Variants in KCNH1 observed in about 807,000 individuals in gnomAD.
The protein encoded by KCNH1 is potassium voltage-gated channel subfamily H member 1, also known as voltage-gated delayed rectifier potassium channel KCNH1.
In KCNH1, 27 loss-of-function variants were observed where a neutral mutation model predicts 69.2. That is an observed-to-expected ratio of 0.39 (90% CI 0.29 to 0.54). The LOEUF (loss-of-function observed/expected upper bound fraction) is 0.54, where lower values mean the gene tolerates loss of function less well. KCNH1 is among the 20% of genes least tolerant of loss of function. KCNH1 has a pLI of 0.68. For missense variants in KCNH1, 798 were observed against 1,261.6 expected (o/e 0.63, Z 5.57); for synonymous variants, 456 against 487.7 (o/e 0.93, Z 0.86).
At chr1:210,893,617 G>A (rs1195282725) in intron 7 of KCNH1, among the ~76,000 whole-genome samples, 1 of 151,704 alleles carries the variant, frequency 6.6e-6, no homozygotes, top group Non-Finnish European at 1.5e-5. Context: ...CTTTCTCTCT[G>A]TCTCTCTCAT....
intron 5 of KCNH1, among the ~76,000 whole-genome samples, chr1:211,030,089 G>A (rs934194149): frequency 2.0e-5 from 3 of 152,140 alleles, no homozygotes; most frequent in Admixed American, 6.5e-5. Flanking sequence ...GCTCCAAATC[G>A]TTATACAAGT....
At chr1:210,971,120 A>AT (rs1553366086) in intron 6 of KCNH1, among the ~76,000 whole-genome samples, 5 of 151,912 alleles carry the variant, frequency 3.3e-5, no homozygotes, top group South Asian at 2.1e-4. Context: ...CAGAATGATG[A>AT]TTTTTTTTGT....
At chr1:210,743,324 G>T (rs1030128959) in intron 10 of KCNH1, among the ~76,000 whole-genome samples, 1 of 152,180 alleles carries the variant, frequency 6.6e-6, no homozygotes, top group African/African-American at 2.4e-5. Flanking sequence ...CAATGAAGGG[G>T]AGAGCAGCTT....
intron 4 of KCNH1, among the ~76,000 whole-genome samples, chr1:211,084,522 T>G (rs17017170): frequency 0.032 from 4,942 of 152,290 alleles, 271 homozygotes; most frequent in African/African-American, 0.11. Context: ...GGACCTCTGG[T>G]CATTTCCCTA....
chr1:210,769,085 A>C (rs773575615), intron 10 of KCNH1, among the ~76,000 whole-genome samples: 29 of 152,184 alleles, frequency 1.9e-4, no homozygotes, highest in Non-Finnish European at 3.8e-4. Flanking sequence ...ATTTCACAGA[A>C]GCCCACATAG....
rs1373357747 is a variant in KCNH1 at position 210,679,947 on chromosome 1, T to C, written c.*3334A>G. The C allele has an allele frequency of 6.7e-6, 1 of 149,172 alleles. No individual in the cohort carries two copies. The highest frequency in any genetic ancestry group is 1.5e-5 in the Non-Finnish European group (1 of 67,074). The allele number at this position is 149,172 out of a possible 1,614,324, so 9.2% of individuals were successfully genotyped here. On this transcript the variant is annotated 3_prime_UTR_variant, in exon 11 of 11. Transcript: ENST00000271751. ...ATAATGTAGCATTGCATTAATGCAA[T>C]GAGTTGCATTCATGAATGCAATGAG... is the stretch of plus-strand genomic sequence containing the variant.
chr1:210,740,415 T>C (rs889444088), intron 10 of KCNH1, among the ~76,000 whole-genome samples: 5 of 152,218 alleles, frequency 3.3e-5, no homozygotes, highest in Non-Finnish European at 5.9e-5. Context: ...TTATCCATGA[T>C]ATGAGGCTTC....
At chr1:210,784,768 T>C (rs867302182) in intron 9 of KCNH1, among the ~76,000 whole-genome samples, 10 of 152,286 alleles carry the variant, frequency 6.6e-5, no homozygotes, top group Middle Eastern at 3.4e-3. Context: ...GCATACCATC[T>C]CTATATTAGA....
At chr1:210,904,765 T>C (rs1687067966) in intron 7 of KCNH1, among the ~76,000 whole-genome samples, 1 of 152,244 alleles carries the variant, frequency 6.6e-6, no homozygotes, top group Admixed American at 6.5e-5. Flanking sequence ...ACTTGCTATC[T>C]GCCAGGCACC....
In KCNH1 at chr1:210,683,356, CTG is replaced by C. The variant is rs770210344; in HGVS notation, c.2893_2894del (p.Gln965ValfsTer7). On this transcript the variant is annotated frameshift_variant, in exon 11 of 11. Transcript: ENST00000271751. LOFTEE classifies it high-confidence loss of function. The surrounding 1 kb of genome is among the most constrained non-coding windows in gnomAD (Gnocchi z 5.7). ...LRILTSRRSS[Q>X]SPQELFEISR... ...ATATTTCAAACAACTCCTGAGGAGA[CTG>C]AGAGGATCTTCTGGAAGTTAATATC... 6.2e-7 allele frequency: 1 copy of C among 1,614,086 alleles called. No individual in the cohort carries two copies. Among genetic ancestry groups the C allele is most frequent in the South Asian group, 1.1e-5 (1 of 91,066 alleles).
At chr1:210,942,986 G>A (rs1687899677) in intron 6 of KCNH1, among the ~76,000 whole-genome samples, 1 of 152,060 alleles carries the variant, frequency 6.6e-6, no homozygotes, top group Non-Finnish European at 1.5e-5. Context: ...CTAAGTAATA[G>A]CAAATAAAAA....
intron 6 of KCNH1, among the ~76,000 whole-genome samples, chr1:210,940,446 G>A (rs552501916): frequency 6.8e-4 from 103 of 152,288 alleles, no homozygotes; most frequent in African/African-American, 2.5e-3. Context: ...CTACATTCAG[G>A]GGAAGGATGT....
intron 7 of KCNH1, chr1:210,859,156 A>G: frequency 7.1e-7 from 1 of 1,418,052 alleles, no homozygotes; most frequent in Non-Finnish European, 1.0e-6. Flanking sequence ...ATCACACAGT[A>G]GGAAAGAAAG....
intron 2 of KCNH1, among the ~76,000 whole-genome samples, chr1:211,104,931 A>G (rs1012051764): frequency 1.3e-5 from 2 of 152,240 alleles, no homozygotes; most frequent in Non-Finnish European, 2.9e-5. Flanking sequence ...TGAACCACCA[A>G]GTCAAGCACC....
At chr1:211,071,961 C>G (rs1690652586) in intron 5 of KCNH1, among the ~76,000 whole-genome samples, 1 of 152,004 alleles carries the variant, frequency 6.6e-6, no homozygotes, top group Admixed American at 6.6e-5. Flanking sequence ...AATTTTGGGC[C>G]CTGTGAAATT....
chr1:211,099,022 T>C (rs1403735693), intron 3 of KCNH1, among the ~76,000 whole-genome samples: 1 of 152,180 alleles, frequency 6.6e-6, no homozygotes, highest in Non-Finnish European at 1.5e-5. Flanking sequence ...CAACAAAATA[T>C]ATTTGTATAA....
chr1:210,843,978 C>A (rs1685480582), intron 7 of KCNH1, among the ~76,000 whole-genome samples: 1 of 152,072 alleles, frequency 6.6e-6, no homozygotes, highest in Admixed American at 6.6e-5. Flanking sequence ...AATTTTTTCC[C>A]AAAGATGCTG....
chr1:210,910,279 A>AG (rs375725899), intron 7 of KCNH1, among the ~76,000 whole-genome samples: 2 of 144,894 alleles, frequency 1.4e-5, no homozygotes, highest in African/African-American at 5.1e-5. Flanking sequence ...TCAAGCACCA[A>AG]AAAAAAAAAA....
intron 10 of KCNH1, among the ~76,000 whole-genome samples, chr1:210,700,266 A>G (rs1006172411): frequency 6.6e-6 from 1 of 152,230 alleles, no homozygotes; most frequent in Non-Finnish European, 1.5e-5. Flanking sequence ...AAACACTGCT[A>G]TCTTTGGTAT....
Sources: allele counts gnomAD v4.1 joint callset (sites outside exome capture counted in the v4.1 genomes callset), GRCh38; gene constraint gnomAD v4.1.1; non-coding constraint Gnocchi (gnomAD v3.1); transcripts MANE v1.5; gene names NCBI Gene and HGNC (gene_info 2026-07-23, HGNC 2026-07-21).